Variants in ARHGAP15 observed in about 807,000 individuals in gnomAD.
The protein encoded by ARHGAP15 is rho GTPase-activating protein 15.
ARHGAP15 carries 51 observed loss-of-function variants against 63.7 expected under a neutral mutation model. The observed-to-expected ratio is 0.80, with a 90% CI of 0.64 to 1.01. The LOEUF is 1.01. Among genes scored for constraint, ARHGAP15 ranks in the 50% least tolerant of loss-of-function variants. ARHGAP15 has a pLI of 0.00. For synonymous variants in ARHGAP15, 191 were observed against 193.8 expected, an observed-to-expected ratio of 0.99 and a Z score of 0.12; for missense variants, 560 against 564.6, an observed-to-expected ratio of 0.99 and a Z score of 0.08.
intron 13 of ARHGAP15, among the ~76,000 whole-genome samples, chr2:143,712,057 A>G (rs1458961586): frequency 6.6e-6 from 1 of 152,242 alleles, no homozygotes; most frequent in African/African-American, 2.4e-5. Flanking sequence ...GACAGCTTGT[A>G]GAAGGGCAAC....
At chr2:143,486,408 C>CA (rs35904219) in intron 8 of ARHGAP15, among the ~76,000 whole-genome samples, 3,086 of 133,294 alleles carry the variant, frequency 0.023, 110 homozygotes, top group African/African-American at 0.076. Flanking sequence ...CCATTTCTAC[C>CA]AAAAAAAAAA....
chr2:143,581,246 C>T (rs1450133409), intron 11 of ARHGAP15, among the ~76,000 whole-genome samples: 2 of 976 alleles, frequency 2.0e-3, no homozygotes, highest in African/African-American at 2.8e-3. Flanking sequence ...AGAGAAGCTG[C>T]ATTTTTTTTA....
chr2:143,249,495 TATA>T (rs1004431654), intron 5 of ARHGAP15, among the ~76,000 whole-genome samples: 2 of 152,116 alleles, frequency 1.3e-5, no homozygotes, highest in African/African-American at 2.4e-5. Context: ...TGGCTAAAAA[TATA>T]ATAAGCTTCA....
At chr2:143,686,384 A>C (rs977364619) in intron 12 of ARHGAP15, among the ~76,000 whole-genome samples, 36 of 9,120 alleles carry the variant, frequency 3.9e-3, no homozygotes, top group South Asian at 0.026. Context: ...ACTCTGTCTC[A>C]AAAAAAAAAA....
intron 5 of ARHGAP15, chr2:143,236,655 A>G (rs1461236193): frequency 1.3e-5 from 2 of 152,214 alleles, no homozygotes; most frequent in Admixed American, 6.5e-5. Context: ...ATATTCATGG[A>G]GGAAGTGACA....
chr2:143,690,421 C>T (rs1683543432), intron 12 of ARHGAP15, among the ~76,000 whole-genome samples: 1 of 152,164 alleles, frequency 6.6e-6, no homozygotes, highest in African/African-American at 2.4e-5. Flanking sequence ...CAATCAAATT[C>T]TTCCTTGGGG....
intron 13 of ARHGAP15, among the ~76,000 whole-genome samples, chr2:143,730,892 TAA>T (rs1158246680): frequency 0.034 from 2,861 of 83,936 alleles, 78 homozygotes; most frequent in East Asian, 0.17. Context: ...AGCACTCCTT[TAA>T]AAAAAAAAAA....
chr2:143,275,416 C>A (rs1681498576), intron 6 of ARHGAP15, among the ~76,000 whole-genome samples: 1 of 152,208 alleles, frequency 6.6e-6, no homozygotes, highest in Non-Finnish European at 1.5e-5. Flanking sequence ...GTCTCTATCA[C>A]ATATTACTGA....
intron 6 of ARHGAP15, among the ~76,000 whole-genome samples, chr2:143,293,859 G>A (rs1254011810): frequency 6.6e-6 from 1 of 151,924 alleles, no homozygotes; most frequent in Admixed American, 6.6e-5. Flanking sequence ...AAACTCAAAG[G>A]TAAAATCTCT....
At chr2:143,536,102 T>C (rs1293066181) in intron 10 of ARHGAP15, among the ~76,000 whole-genome samples, 2 of 152,236 alleles carry the variant, frequency 1.3e-5, no homozygotes, top group Non-Finnish European at 2.9e-5. Context: ...ATGTCATCAT[T>C]AACTGTAGTC....
rs771016496 is a variant in ARHGAP15, at chr2:143,487,390, A to G, written c.721A>G (p.Ser241Gly). Residue 241 changes from serine (S) to glycine (G), a missense_variant, in exon 9 of 14, where the codon AGT becomes GGT. By Grantham distance (56) the Ser-to-Gly change is moderately conservative (BLOSUM62 0). Coordinates refer to ENST00000295095, the MANE Select transcript of ARHGAP15 (RefSeq NM_018460.4). ...RKSLMFRLHH[S>G]ASDTSDKNRV... ...ATCTTCAGTGTTCAGACTGCATCAC[A>G]GTGCTTCCGATACAAGCGACAAAAA... 1 of 1,613,668 alleles carries G rather than the reference A, an allele frequency of 6.2e-7. No homozygotes were observed. Among genetic ancestry groups the G allele is most frequent in the South Asian group, 1.1e-5 (1 of 90,978 alleles).
intron 11 of ARHGAP15, among the ~76,000 whole-genome samples, chr2:143,614,041 A>G (rs1173754466): frequency 6.6e-6 from 1 of 152,060 alleles, no homozygotes; most frequent in Non-Finnish European, 1.5e-5. Flanking sequence ...TGGCATCCCA[A>G]ATGCATCATG....
chr2:143,470,250 G>A (rs895569715), intron 8 of ARHGAP15, among the ~76,000 whole-genome samples: 14 of 149,174 alleles, frequency 9.4e-5, no homozygotes, highest in Admixed American at 6.7e-5. Flanking sequence ...AGGTCAATAA[G>A]GAGAAAAATA....
rs145887550 is a variant in ARHGAP15, at chr2:143,242,330, G to T, written c.385-8181G>T. On this transcript the variant is annotated intron_variant, in intron 5 of 13. Transcript: ENST00000295095. ...CAGGGACAGCTGAGGTTGACTGAGTGGATGACAGTCTAAGAGGAAACTCTG... is the reference window on the plus strand; with the variant it reads ...CAGGGACAGCTGAGGTTGACTGAGTTGATGACAGTCTAAGAGGAAACTCTG... Among the ~76,000 whole-genome samples the T allele has an allele frequency of 7.9e-5, 12 of 152,336 alleles. 1 individual carries two copies. In the East Asian group the frequency reaches 2.3e-3, roughly 29 times the overall value.
intron 8 of ARHGAP15, among the ~76,000 whole-genome samples, chr2:143,446,644 T>TA (rs1374353133): frequency 6.6e-6 from 1 of 152,004 alleles, no homozygotes; most frequent in East Asian, 1.9e-4. Context: ...CTTTTTTTTT[T>TA]TTATTTAAGT....
Position 143,723,154 on chromosome 2 carries a change from G to T in ARHGAP15, c.1244+19630G>T, listed in dbSNP as rs1685136231. Among the ~76,000 whole-genome samples, 3 of 152,186 alleles carry T rather than the reference G, an allele frequency of 2.0e-5. No individual in the cohort carries two copies. The South Asian group carries it at 6.2e-4, about 31-fold the overall frequency. The stretch of plus-strand genomic sequence containing the variant: ...GCAGGTTTATAGCCTAGGAGCACTA[G>T]CCTAGGTATGTAGTAGGCTATACCA... On this transcript the variant is annotated intron_variant, in intron 13 of 13. Coordinates refer to ENST00000295095, the MANE Select transcript of ARHGAP15 (RefSeq NM_018460.4).
At chr2:143,689,670 T>C (rs1342994053) in intron 12 of ARHGAP15, among the ~76,000 whole-genome samples, 1 of 152,182 alleles carries the variant, frequency 6.6e-6, no homozygotes, top group Admixed American at 6.6e-5. Flanking sequence ...TATCCTGACA[T>C]CGAATTTTCT....
intron 9 of ARHGAP15, among the ~76,000 whole-genome samples, chr2:143,515,484 G>A (rs1279802120): frequency 6.6e-6 from 1 of 152,138 alleles, no homozygotes; most frequent in Non-Finnish European, 1.5e-5. Context: ...GTCTCATGGT[G>A]ACAAGATTGC....
intron 6 of ARHGAP15, among the ~76,000 whole-genome samples, chr2:143,378,293 G>A (rs534304759): frequency 3.3e-5 from 5 of 152,066 alleles, no homozygotes; most frequent in South Asian, 2.1e-4. Flanking sequence ...CTGGAGATAC[G>A]AAACAGTTTA....
Sources: allele counts gnomAD v4.1 joint callset (sites outside exome capture counted in the v4.1 genomes callset), GRCh38; gene constraint gnomAD v4.1.1; transcripts MANE v1.5; gene names NCBI Gene and HGNC (gene_info 2026-07-23, HGNC 2026-07-21).